GRM7: variants seen among roughly 807,000 people sequenced by gnomAD.
GRM7 encodes glutamate metabotropic receptor 7.
GRM7 carries 35 observed loss-of-function variants against 84.5 expected under a neutral mutation model. The ratio of observed to expected loss-of-function variants is 0.41; its 90% CI spans 0.32 to 0.55. The LOEUF (loss-of-function observed/expected upper bound fraction) is 0.55, where lower values mean the gene tolerates loss of function less well. Ranked by LOEUF, GRM7 falls within the 20% of genes least tolerant of loss-of-function variation. The pLI, the probability that GRM7 is intolerant of heterozygous loss-of-function variation, is 0.19. For missense variants in GRM7, 1,003 were observed against 1,194.6 expected (o/e 0.84, Z 2.36); for synonymous variants, 487 against 455.1 (o/e 1.07, Z -0.89).
chr3:7,282,330 C>T (rs1182239467), intron 2 of GRM7, among the ~76,000 whole-genome samples: 2 of 152,106 alleles, frequency 1.3e-5, no homozygotes, highest in South Asian at 2.1e-4. Flanking sequence ...CATTCCTCCT[C>T]GAAACTCTTG....
chr3:7,646,693 G>T (rs1485689400), intron 8 of GRM7, among the ~76,000 whole-genome samples: 1 of 152,086 alleles, frequency 6.6e-6, no homozygotes. Flanking sequence ...TGGTGATTTT[G>T]GGGGGGAAGG....
intron 3 of GRM7, among the ~76,000 whole-genome samples, chr3:7,305,558 T>A (rs1389530092): frequency 3.6e-5 from 2 of 55,712 alleles, no homozygotes; most frequent in East Asian, 1.2e-3. Flanking sequence ...CCATGTGATC[T>A]CATTGTTCAA....
chr3:7,308,911 T>C (rs1306806675), intron 4 of GRM7, among the ~76,000 whole-genome samples: 1 of 152,230 alleles, frequency 6.6e-6, no homozygotes, highest in Non-Finnish European at 1.5e-5. Flanking sequence ...TATTTTCATG[T>C]AGATATAGAA....
intron 1 of GRM7, among the ~76,000 whole-genome samples, chr3:7,139,062 CATTATATAAT>C (rs1454165142): frequency 6.8e-6 from 1 of 146,752 alleles, no homozygotes; most frequent in African/African-American, 2.5e-5. Context: ...ATATATAGTA[CATTATATAAT>C]ATTATATAAT....
chr3:7,225,936 T>C (rs1696968430), intron 2 of GRM7, among the ~76,000 whole-genome samples: 2 of 152,188 alleles, frequency 1.3e-5, no homozygotes, highest in African/African-American at 4.8e-5. Context: ...AACAGTTAAA[T>C]ATTTTTATAT....
intron 2 of GRM7, among the ~76,000 whole-genome samples, chr3:7,150,651 A>G (rs1201575321): frequency 6.6e-6 from 1 of 152,222 alleles, no homozygotes; most frequent in East Asian, 1.9e-4. Flanking sequence ...TGTTTATTTG[A>G]ATGAATGCAC....
At chr3:6,910,571 C>A (rs1045804776) in intron 1 of GRM7, among the ~76,000 whole-genome samples, 6 of 152,020 alleles carry the variant, frequency 3.9e-5, no homozygotes, top group African/African-American at 1.4e-4. Flanking sequence ...ATACAGTGAG[C>A]CTATAAAAGG....
chr3:7,333,424 C>G (rs1001697729), intron 4 of GRM7, among the ~76,000 whole-genome samples: 3 of 152,178 alleles, frequency 2.0e-5, no homozygotes, highest in Non-Finnish European at 4.4e-5. Context: ...AGCCCCATTC[C>G]TAGGGGAAGG....
intron 4 of GRM7, among the ~76,000 whole-genome samples, chr3:7,408,395 C>T (rs1252993834): frequency 6.6e-6 from 1 of 152,030 alleles, no homozygotes; most frequent in Non-Finnish European, 1.5e-5. Flanking sequence ...GATTTTTGTT[C>T]TTTGTGGAAT....
intron 1 of GRM7, among the ~76,000 whole-genome samples, chr3:6,981,555 C>T (rs930060627): frequency 5.9e-5 from 9 of 152,128 alleles, no homozygotes; most frequent in Admixed American, 2.0e-4. Context: ...GAGTGTCCTG[C>T]GGTTCCTGCT....
chr3:7,649,316 G>A lies in GRM7; in HGVS notation c.2452-30733G>A, dbSNP rs528761115. Among the ~76,000 whole-genome samples, 341 of 152,154 alleles carry A rather than the reference G, an allele frequency of 2.2e-3. 1 individual carries two copies. Among genetic ancestry groups the A allele is most frequent in the African/African-American group, 7.4e-3 (307 of 41,516 alleles). On this transcript the variant is annotated intron_variant, in intron 8 of 9. Transcript: ENST00000357716. ...GATCTCCTGACCTCGTGATCCTCCTGCCTCGGCCTCCCAAAGTGCTGGGAT... is the reference window on the plus strand; with the variant it reads ...GATCTCCTGACCTCGTGATCCTCCTACCTCGGCCTCCCAAAGTGCTGGGAT...
At chr3:7,272,227 C>T (rs1698892823) in intron 2 of GRM7, among the ~76,000 whole-genome samples, 2 of 152,082 alleles carry the variant, frequency 1.3e-5, no homozygotes, top group South Asian at 4.1e-4. Flanking sequence ...GTAATATATA[C>T]TATCTCTTTT....
In GRM7 at chr3:7,276,207, ATG is replaced by A. The variant is rs923161861; in HGVS notation, c.737-22435_737-22434del. On this transcript the variant is annotated intron_variant, in intron 2 of 9. Coordinates refer to ENST00000357716, the MANE Select transcript of GRM7 (RefSeq NM_000844.4). ...TTTTTTAAATTATATATATATATAT[ATG>A]TGTGTGTGTGTGTGTGTGTGTGTGT... Among the ~76,000 whole-genome samples the A allele has an allele frequency of 9.2e-3, 888 of 96,662 alleles. 4 individuals carry two copies. The highest frequency in any genetic ancestry group is 0.013 in the Non-Finnish European group (618 of 47,308). 63.4% of individuals were successfully genotyped at this position (96,662 alleles called of 152,430 possible).
At chr3:7,666,427 A>T (rs1204279956) in intron 8 of GRM7, among the ~76,000 whole-genome samples, 1 of 152,212 alleles carries the variant, frequency 6.6e-6, no homozygotes, top group Admixed American at 6.5e-5. Context: ...TCTTTGAAGG[A>T]TGTCTTACAT....
chr3:7,327,118 T>C (rs1701020006), intron 4 of GRM7, among the ~76,000 whole-genome samples: 1 of 152,240 alleles, frequency 6.6e-6, no homozygotes, highest in Non-Finnish European at 1.5e-5. Flanking sequence ...TTTCTGTATT[T>C]GCCCAGTATC....
rs184756481 is a variant in GRM7 at position 7,492,308 on chromosome 3, A to T, written c.1515+30586A>T. ...TAATTCTTATTTATATCTTTGGTAG[A>T]ATTTCCCCATGAAGCCATCTGCACC... On this transcript the variant is annotated intron_variant, in intron 7 of 9. Coordinates refer to ENST00000357716, the MANE Select transcript of GRM7 (RefSeq NM_000844.4). 2.0e-5 allele frequency among the ~76,000 whole-genome samples: 3 copies of T among 152,276 alleles called. No individual in the cohort carries two copies. The East Asian group carries it at 5.8e-4, about 29-fold the overall frequency.
intron 4 of GRM7, among the ~76,000 whole-genome samples, chr3:7,360,020 G>A (rs1440422058): frequency 6.8e-6 from 1 of 147,794 alleles, no homozygotes; most frequent in East Asian, 1.9e-4. Context: ...ATAGAGAAAT[G>A]TTTTACCATG....
rs1698826312 is a variant in GRM7 at position 7,095,540 on chromosome 3, A to G, written c.520-50912A>G. Among the ~76,000 whole-genome samples, 3 of 152,198 alleles carry G rather than the reference A, an allele frequency of 2.0e-5. No homozygotes were observed. In the South Asian group the frequency reaches 6.2e-4, roughly 32 times the overall value. On this transcript the variant is annotated intron_variant, in intron 1 of 9. Transcript: ENST00000357716. The stretch of plus-strand genomic sequence containing the variant: ...TCCGGAGGACCTGGAGCTTTGGAAT[A>G]TTAGGACCACATTCTTTCCCAATGA...
At chr3:7,213,646 G>A (rs1473118629) in intron 2 of GRM7, among the ~76,000 whole-genome samples, 1 of 152,168 alleles carries the variant, frequency 6.6e-6, no homozygotes, top group Non-Finnish European at 1.5e-5. Flanking sequence ...AGAGGAAGAC[G>A]ATGAACTTCT....
Sources: allele counts gnomAD v4.1 joint callset (sites outside exome capture counted in the v4.1 genomes callset), GRCh38; gene constraint gnomAD v4.1.1; transcripts MANE v1.5; gene names NCBI Gene and HGNC (gene_info 2026-07-23, HGNC 2026-07-21).